MYO16: variants seen among roughly 807,000 people sequenced by gnomAD.
MYO16 encodes myosin XVI, also known as unconventional myosin-XVI.
In MYO16, 94 loss-of-function variants were observed where a neutral mutation model predicts 205.3. The observed-to-expected ratio is 0.46, with a 90% CI of 0.39 to 0.54. The LOEUF is 0.54. MYO16 is among the 20% of genes least tolerant of loss of function. MYO16 has a pLI of 0.00. For synonymous variants in MYO16, 988 were observed against 954.0 expected (o/e 1.04, Z -0.66); for missense variants, 2,315 against 2,387.5 (o/e 0.97, Z 0.63).
At chr13:109,126,392 G>A (rs551952833) in intron 30 of MYO16, among the ~76,000 whole-genome samples, 2 of 152,162 alleles carry the variant, frequency 1.3e-5, no homozygotes, top group African/African-American at 4.8e-5. Context: ...GCCACAGAAA[G>A]ATATAATTAT....
At chr13:108,761,908 A>G (rs1400647179) in intron 4 of MYO16, among the ~76,000 whole-genome samples, 23 of 152,198 alleles carry the variant, frequency 1.5e-4, no homozygotes, top group Admixed American at 1.5e-3. Context: ...TGCTACATAC[A>G]TTGATTTCAT....
At chr13:109,049,796 G>A (rs956811971) in intron 24 of MYO16, among the ~76,000 whole-genome samples, 20 of 151,948 alleles carry the variant, frequency 1.3e-4, no homozygotes, top group African/African-American at 3.4e-4. Context: ...TTAAAGTGAC[G>A]AAATCATTAT....
intron 4 of MYO16, among the ~76,000 whole-genome samples, chr13:108,759,465 T>G (rs917962271): frequency 1.3e-5 from 2 of 152,200 alleles, no homozygotes; most frequent in Admixed American, 1.3e-4. Context: ...AATTCCTATC[T>G]TCTTTGAGAT....
Position 108,806,183 on chromosome 13 carries a change from G to A in MYO16, c.742-496G>A, listed in dbSNP as rs376954009. Among the ~76,000 whole-genome samples, 113 of 152,164 alleles carry A rather than the reference G, an allele frequency of 7.4e-4. 1 individual carries two copies. Among genetic ancestry groups the A allele is most frequent in the Admixed American group, 2.2e-3 (33 of 15,262 alleles). On this transcript the variant is annotated intron_variant, in intron 6 of 34. Coordinates refer to ENST00000457511, the MANE Select transcript of MYO16 (RefSeq NM_001198950.3). ...GTAGCTACACAATCATTTTTAAGCC[G>A]CCGGGATTAGTTAATCCTTTTCAGT...
chr13:108,857,789 T>TC (rs1286094516), intron 11 of MYO16, among the ~76,000 whole-genome samples: 1 of 152,240 alleles, frequency 6.6e-6, no homozygotes, highest in Non-Finnish European at 1.5e-5. Flanking sequence ...TTTATCAAAC[T>TC]CCTGCCTCTA....
intron 16 of MYO16, among the ~76,000 whole-genome samples, chr13:108,917,602 T>C (rs1325504757): frequency 4.6e-5 from 7 of 152,164 alleles, no homozygotes; most frequent in Non-Finnish European, 7.4e-5. Flanking sequence ...AATATTGCAA[T>C]GTATTTCCAC....
intron 33 of MYO16, among the ~76,000 whole-genome samples, 156 bp from the exon 34 acceptor site, chr13:109,179,386 G>A (rs1662829254): frequency 6.6e-6 from 1 of 152,178 alleles, no homozygotes; most frequent in South Asian, 2.1e-4. Context: ...GCATGCCCAT[G>A]TTTCATTGCA....
intron 23 of MYO16, among the ~76,000 whole-genome samples, chr13:109,029,801 A>G (rs1396687431): frequency 6.6e-6 from 1 of 152,172 alleles, no homozygotes; most frequent in Non-Finnish European, 1.5e-5. Context: ...CCCCTTTGGC[A>G]GTATTGTGTG....
At chr13:108,589,792 G>A in the MYO16 span, among the ~76,000 whole-genome samples, 1 of 152,056 alleles carries the variant, frequency 6.6e-6, no homozygotes, top group Non-Finnish European at 1.5e-5. Flanking sequence ...TGTGTGTCTG[G>A]AAAATTGGTG....
At chr13:109,119,209 C>T (rs1028710534) in intron 28 of MYO16, among the ~76,000 whole-genome samples, 4 of 152,152 alleles carry the variant, frequency 2.6e-5, no homozygotes, top group South Asian at 2.1e-4. Context: ...AAACCTTTCC[C>T]GTACCTGATG....
In MYO16 at chr13:108,941,612, G is replaced by T. The variant is rs1019985952; in HGVS notation, c.1926-16076G>T. 2.1e-5 allele frequency among the ~76,000 whole-genome samples: 3 copies of T among 141,390 alleles called. No homozygotes were observed. The South Asian group carries it at 7.2e-4, about 34-fold the overall frequency. 92.8% of individuals were successfully genotyped at this position (141,390 alleles called of 152,430 possible). A position where few individuals can be genotyped will look rare whatever the true frequency, so the allele number is the denominator to read the frequency against. On this transcript the variant is annotated intron_variant, in intron 16 of 34. Transcript: ENST00000457511. ...GAATCATTTGAACCTGGGAGGCAGAGTTTGTAGTGAGCCAAAATCGCACCA... is the reference window on the plus strand; with the variant it reads ...GAATCATTTGAACCTGGGAGGCAGATTTTGTAGTGAGCCAAAATCGCACCA...
chr13:108,572,937 C>T, the MYO16 span, among the ~76,000 whole-genome samples: 4 of 152,170 alleles, frequency 2.6e-5, 1 homozygote, highest in South Asian at 6.2e-4. Flanking sequence ...GTGTCCGCTG[C>T]AGATAAACTG....
At chr13:108,502,609 C>A in the MYO16 span, among the ~76,000 whole-genome samples, 1 of 151,866 alleles carries the variant, frequency 6.6e-6, no homozygotes, top group Non-Finnish European at 1.5e-5. Flanking sequence ...AAAAATAAAC[C>A]CAGGAGGCTA....
intron 1 of MYO16, among the ~76,000 whole-genome samples, chr13:108,605,643 T>C (rs1251121618): frequency 6.6e-6 from 1 of 152,192 alleles, no homozygotes; most frequent in African/African-American, 2.4e-5. Context: ...GCCATGATGG[T>C]AAGTTTCCTG....
At chr13:108,697,305 CGG>C (rs1412401034) in intron 2 of MYO16, among the ~76,000 whole-genome samples, 1 of 152,140 alleles carries the variant, frequency 6.6e-6, no homozygotes, top group Non-Finnish European at 1.5e-5. Flanking sequence ...TCTTTACTTC[CGG>C]GACCACCCAC....
chr13:109,013,566 G>C (rs1304061679), intron 22 of MYO16, among the ~76,000 whole-genome samples: 3 of 152,124 alleles, frequency 2.0e-5, no homozygotes, highest in African/African-American at 7.2e-5. Context: ...GGTTGAACTA[G>C]TTTACACTCC....
chr13:109,184,771 CT>C (rs538955668), intron 34 of MYO16, among the ~76,000 whole-genome samples: 48 of 143,192 alleles, frequency 3.4e-4, no homozygotes, highest in South Asian at 6.7e-4. Context: ...TAATTTTTTT[CT>C]TTTTTTTTTT....
At chr13:108,784,092 A>ATATT (rs1886386809) in intron 4 of MYO16, among the ~76,000 whole-genome samples, 1 of 152,160 alleles carries the variant, frequency 6.6e-6, no homozygotes. Flanking sequence ...GTCACTCTGG[A>ATATT]TGTTTACCTC....
chr13:109,124,862 A>G (rs1480334169), intron 29 of MYO16, among the ~76,000 whole-genome samples: 2 of 152,206 alleles, frequency 1.3e-5, no homozygotes, highest in African/African-American at 4.8e-5. Flanking sequence ...CCAGTCCATC[A>G]AAGTCCAGCT....
Sources: allele counts gnomAD v4.1 joint callset (sites outside exome capture counted in the v4.1 genomes callset), GRCh38; gene constraint gnomAD v4.1.1; transcripts MANE v1.5; gene names NCBI Gene and HGNC (gene_info 2026-07-23, HGNC 2026-07-21).